Variants in SPATA13 observed in about 807,000 individuals in gnomAD.
SPATA13 encodes the protein spermatogenesis-associated protein 13.
SPATA13 carries 50 observed loss-of-function variants against 104.0 expected under a neutral mutation model. That is an observed-to-expected ratio of 0.48 (90% CI 0.38 to 0.61). SPATA13 has a LOEUF of 0.61. Among genes scored for constraint, SPATA13 ranks in the 20% least tolerant of loss-of-function variants. SPATA13 has a pLI of 0.00. For missense variants in SPATA13, 1,524 were observed against 1,690.6 expected (o/e 0.90, Z 1.73); for synonymous variants, 606 against 667.5 (o/e 0.91, Z 1.42).
chr13:24,247,938 G>A (rs756458370), intron 2 of SPATA13, among the ~76,000 whole-genome samples: 6 of 152,120 alleles, frequency 3.9e-5, no homozygotes, highest in South Asian at 2.1e-4. Flanking sequence ...GGAGGGAGCC[G>A]GTGGGCTGCG....
intron 1 of SPATA13, among the ~76,000 whole-genome samples, chr13:24,209,548 C>G (rs987168606): frequency 1.3e-5 from 2 of 152,304 alleles, no homozygotes; most frequent in East Asian, 3.9e-4. Flanking sequence ...GCTCATTTCA[C>G]TCAGCATAAT....
At position 24,161,676 on chromosome 13, in the gene SPATA13, C is replaced by T. The variant is rs1882500635; in HGVS notation, c.-112+744C>T. Among the ~76,000 whole-genome samples, 1 of 152,152 alleles carries T rather than the reference C, an allele frequency of 6.6e-6. No individual in the cohort carries two copies. Among genetic ancestry groups the T allele is most frequent in the Admixed American group, 6.5e-5 (1 of 15,280 alleles). The stretch of plus-strand genomic sequence containing the variant: ...GGTTACAGAGCTTGAGCAAATTTCC[C>T]CTCCCTCCAAGTGCAGGAAAACCAA... On this transcript the variant is annotated intron_variant, in intron 1 of 12. Transcript: ENST00000382108. This position sits in a 1 kb window ranked among gnomAD's most constrained non-coding sequence, Gnocchi z 4.5.
At chr13:24,045,579 A>G (rs947653855) in intron 3 of SPATA13, among the ~76,000 whole-genome samples, 18 of 152,218 alleles carry the variant, frequency 1.2e-4, no homozygotes, top group African/African-American at 4.1e-4. Context: ...AGTATGTAAA[A>G]TGACACTGTA....
chr13:24,224,556 G>A lies in SPATA13; in HGVS notation c.1627G>A (p.Gly543Ser), dbSNP rs1024460823. 2.9e-5 allele frequency: 45 copies of A among 1,540,396 alleles called. No individual in the cohort carries two copies. Among genetic ancestry groups the A allele is most frequent in the Non-Finnish European group, 3.5e-5 (40 of 1,146,876 alleles). Residue 543 changes from glycine to serine, a missense_variant, in exon 2 of 13, where the codon GGC (glycine) becomes AGC (serine). Transcript: ENST00000382108. ...TCTGGTGAACATTGGTGTGGCAGCC[G>A]GCCCAGAAGAAAAGGAGAAGGAGGA... ...DLLVNIGVAA[G>S]PEEKEKEEVV... is the part of the protein sequence containing the mutation.
chr13:24,223,374 C>T lies in SPATA13; in HGVS notation c.445C>T (p.Pro149Ser). Residue 149 changes from proline to serine, a missense_variant, in exon 2 of 13, where the codon CCA (proline) becomes TCA (serine). Around this residue, in one of 2 missense-constraint regions of SPATA13, gnomAD observed 1,089 missense variants for 1,135.9 expected, o/e 0.96. Transcript: ENST00000382108. ...ASEHGLGKSI[P>S]NGAVPGAQAS... ...GGAGCATGGCCTGGGAAAGTCCATC[C>T]CAAATGGCGCTGTCCCAGGAGCCCA... 6.4e-7 allele frequency: 1 copy of T among 1,551,308 alleles called. No individual in the cohort carries two copies. Among genetic ancestry groups the T allele is most frequent in the Admixed American group, 2.0e-5 (1 of 51,010 alleles).
intron 3 of SPATA13, among the ~76,000 whole-genome samples, chr13:24,047,803 C>T (rs1262817854): frequency 6.6e-6 from 1 of 152,190 alleles, no homozygotes; most frequent in African/African-American, 2.4e-5. Context: ...ATGAGGGACT[C>T]ACCCACGTGA....
chr13:24,122,102 G>A lies in SPATA13; in HGVS notation c.-111-100717G>A, dbSNP rs574339290. On this transcript the variant is annotated intron_variant, in intron 3 of 14. Coordinates refer to the SPATA13 transcript ENST00000424834. ...TGGTGCTGGGCCTCCAAAATTGAAAGAACTTGGCACAACTGGAGCACTGAA... is the reference window on the plus strand; with the variant it reads ...TGGTGCTGGGCCTCCAAAATTGAAAAAACTTGGCACAACTGGAGCACTGAA... 9.1e-5 allele frequency: 146 copies of A among 1,611,974 alleles called. 1 individual carries two copies. In the African/African-American group the frequency reaches 1.8e-3, roughly 20 times the overall value.
Position 24,249,692 on chromosome 13 carries a change from G to A in SPATA13, c.1869G>A (p.Gln623=), listed in dbSNP as rs1176795467. ...QKEDRVDEDP[Q]ASMTSASPED... ...AAGACCGTGTGGACGAGGACCCCCA[G>A]GCAAGCATGACTTCTGCCAGCCCTG... The change falls in exon 3 of 13, where the codon CAG becomes CAA. Residue 623 remains glutamine, a synonymous_variant. Coordinates refer to ENST00000382108, the MANE Select transcript of SPATA13 (RefSeq NM_001166271.3). The A allele has an allele frequency of 4.3e-6, 7 of 1,614,104 alleles. No individual in the cohort carries two copies. The highest frequency in any genetic ancestry group is 1.3e-5 in the African/African-American group (1 of 74,934).
chr13:24,052,757 C>T (rs1020955655), intron 3 of SPATA13, among the ~76,000 whole-genome samples: 5 of 141,682 alleles, frequency 3.5e-5, no homozygotes, highest in African/African-American at 1.3e-4. Flanking sequence ...GCCTTGGACC[C>T]ACGACTGCGT....
intron 4 of SPATA13, among the ~76,000 whole-genome samples, chr13:24,276,867 G>A (rs1025123091): frequency 6.6e-6 from 1 of 152,216 alleles, no homozygotes; most frequent in African/African-American, 2.4e-5. Context: ...GCACCGGCCT[G>A]TGGGTCTGGC....
intron 2 of SPATA13, among the ~76,000 whole-genome samples, chr13:24,002,844 C>T (rs1238196758): frequency 6.6e-6 from 1 of 152,208 alleles, no homozygotes; most frequent in Non-Finnish European, 1.5e-5. Flanking sequence ...TCCCCATACA[C>T]AGTGTTGTAA....
intron 3 of SPATA13, among the ~76,000 whole-genome samples, chr13:24,063,093 G>C (rs895999256): frequency 1.3e-5 from 2 of 151,662 alleles, no homozygotes; most frequent in African/African-American, 4.9e-5. Context: ...ACCCAGCCCT[G>C]CCCTCTGTCC....
intron 2 of SPATA13, among the ~76,000 whole-genome samples, chr13:24,230,239 G>A (rs1872182890): frequency 6.6e-6 from 1 of 152,222 alleles, no homozygotes; most frequent in Non-Finnish European, 1.5e-5. Context: ...CACCTGCTAT[G>A]TGAACAGAAG....
intron 1 of SPATA13, among the ~76,000 whole-genome samples, chr13:24,203,467 T>G (rs1002452328): frequency 6.6e-6 from 1 of 152,190 alleles, no homozygotes; most frequent in Admixed American, 6.5e-5. Context: ...TCTGTTTTTG[T>G]GACTGAAAGG....
intron 3 of SPATA13, among the ~76,000 whole-genome samples, chr13:24,128,545 T>C (rs1298729555): frequency 6.6e-6 from 1 of 152,046 alleles, no homozygotes; most frequent in Non-Finnish European, 1.5e-5. Context: ...CAGGTAGCTT[T>C]CTGAGAATAG....
At chr13:24,257,999 T>TGTG (rs1383940739) in intron 4 of SPATA13, among the ~76,000 whole-genome samples, 1 of 152,092 alleles carries the variant, frequency 6.6e-6, no homozygotes, top group African/African-American at 2.4e-5. Context: ...TCTGGGCAGG[T>TGTG]GTGGTGGATC....
intron 1 of SPATA13, among the ~76,000 whole-genome samples, chr13:24,190,780 G>A (rs985412736): frequency 2.0e-5 from 3 of 152,180 alleles, no homozygotes; most frequent in African/African-American, 7.2e-5. Context: ...CGGTTGAAAT[G>A]ACAACAAAGG....
chr13:24,132,615 G>T (rs1023115219), intron 3 of SPATA13, among the ~76,000 whole-genome samples: 1 of 152,196 alleles, frequency 6.6e-6, no homozygotes, highest in Admixed American at 6.5e-5. Context: ...AAAGAAAGGG[G>T]TTAATTCAGT....
chr13:24,083,425 G>T (rs1183858146), intron 3 of SPATA13, among the ~76,000 whole-genome samples: 1 of 152,194 alleles, frequency 6.6e-6, no homozygotes, highest in East Asian at 1.9e-4. Flanking sequence ...AGGAGGGCAG[G>T]CCTGACCTTG....
Sources: gnomAD v4.1 joint callset for allele counts (sites outside exome capture counted in the v4.1 genomes callset) on GRCh38, gnomAD v4.1.1 for gene constraint, gnomAD v4.1.1 regional missense constraint, Gnocchi (gnomAD v3.1) non-coding constraint, MANE v1.5 for transcripts, NCBI Gene and HGNC (gene_info 2026-07-23, HGNC 2026-07-21) for gene names.